Variants in SYNDIG1 observed in about 807,000 individuals in gnomAD.
SYNDIG1 encodes the protein synapse differentiation inducing 1.
A neutral mutation model predicts 19.4 loss-of-function variants in SYNDIG1; 9 were observed. The observed-to-expected ratio is 0.46, with a 90% CI of 0.28 to 0.81. The LOEUF is 0.81. Ranked by LOEUF, SYNDIG1 falls within the 30% of genes least tolerant of loss-of-function variation. The pLI is 0.12. For missense variants in SYNDIG1, 311 were observed against 343.3 expected (o/e 0.91, Z 0.74); for synonymous variants, 141 against 145.9 (o/e 0.97, Z 0.24).
intron 2 of SYNDIG1, among the ~76,000 whole-genome samples, chr20:24,543,995 C>T (rs374858087): frequency 4.6e-5 from 7 of 152,176 alleles, no homozygotes; most frequent in African/African-American, 1.7e-4. Context: ...CTACTGTCAC[C>T]TGTGGTTCCT....
rs572695167 is a variant in SYNDIG1, at chr20:24,644,041, G to C, written c.619-21305G>C. On this transcript the variant is annotated intron_variant, in intron 3 of 3. Transcript: ENST00000376862. ...GACTTTCTATGCCAAAGAAGAAAAA[G>C]AGAATCATCTAGACTAGCTACACGC... Among the ~76,000 whole-genome samples, 73 of 152,238 alleles carry C rather than the reference G, an allele frequency of 4.8e-4. 1 individual carries two copies. Among genetic ancestry groups the C allele is most frequent in the Non-Finnish European group, 5.0e-4 (34 of 68,046 alleles).
intron 3 of SYNDIG1, among the ~76,000 whole-genome samples, chr20:24,634,133 G>T (rs1021174968): frequency 2.6e-5 from 4 of 152,128 alleles, no homozygotes; most frequent in Admixed American, 6.5e-5. Context: ...CTCCTCCAGG[G>T]GGACCCCGTC....
At chr20:24,553,916 C>T (rs868256035) in intron 2 of SYNDIG1, among the ~76,000 whole-genome samples, 61 of 152,262 alleles carry the variant, frequency 4.0e-4, no homozygotes, top group South Asian at 2.1e-4. Flanking sequence ...GCCATTTTCA[C>T]GATATTGTTT....
chr20:24,583,864 A>G (rs962109458), intron 2 of SYNDIG1, among the ~76,000 whole-genome samples: 4 of 152,170 alleles, frequency 2.6e-5, no homozygotes, highest in African/African-American at 9.7e-5. Flanking sequence ...AAGAACAGAC[A>G]CTGGGGCCTG....
intron 1 of SYNDIG1, among the ~76,000 whole-genome samples, chr20:24,515,759 G>C (rs1178317119): frequency 2.6e-5 from 4 of 151,072 alleles, no homozygotes; most frequent in African/African-American, 9.8e-5. Context: ...AATGGCCATA[G>C]TGCCCAAGGT....
intron 1 of SYNDIG1, among the ~76,000 whole-genome samples, chr20:24,470,234 G>A (rs572591587): frequency 1.3e-5 from 2 of 152,340 alleles, no homozygotes; most frequent in Admixed American, 6.5e-5. Flanking sequence ...GCCAGGGCTG[G>A]TGAGCCGGGC....
chr20:24,579,282 T>C (rs1336476574), intron 2 of SYNDIG1, among the ~76,000 whole-genome samples: 1 of 152,196 alleles, frequency 6.6e-6, no homozygotes, highest in Admixed American at 6.5e-5. Flanking sequence ...GGCAAGATGG[T>C]GTCTGTTAAA....
intron 2 of SYNDIG1, among the ~76,000 whole-genome samples, chr20:24,583,799 C>A (rs2058368779): frequency 6.6e-6 from 1 of 152,182 alleles, no homozygotes; most frequent in African/African-American, 2.4e-5. Flanking sequence ...CCACATACCC[C>A]ATGTTCTCAC....
At chr20:24,649,967 C>T (rs1408367865) in intron 3 of SYNDIG1, among the ~76,000 whole-genome samples, 1 of 152,232 alleles carries the variant, frequency 6.6e-6, no homozygotes, top group Non-Finnish European at 1.5e-5. Flanking sequence ...ATGGCATACA[C>T]TCATCTTTAA....
intron 1 of SYNDIG1, among the ~76,000 whole-genome samples, chr20:24,514,993 A>G (rs1370059275): frequency 6.6e-6 from 1 of 152,356 alleles, no homozygotes; most frequent in East Asian, 1.9e-4. Flanking sequence ...GCTCAACTAC[A>G]TGGAAACTGA....
At chr20:24,541,783 A>C (rs2057474136) in intron 1 of SYNDIG1, among the ~76,000 whole-genome samples, 1 of 152,238 alleles carries the variant, frequency 6.6e-6, no homozygotes, top group African/African-American at 2.4e-5. Context: ...TAAATAAAAA[A>C]TCCCACAAAA....
chr20:24,578,665 A>G (rs1481041594), intron 2 of SYNDIG1, among the ~76,000 whole-genome samples: 1 of 152,182 alleles, frequency 6.6e-6, no homozygotes, highest in Non-Finnish European at 1.5e-5. Flanking sequence ...GCACATGTGC[A>G]TCCTGGCTTA....
At position 24,507,928 on chromosome 20, in the gene SYNDIG1, A is replaced by G. The variant is rs891878355; in HGVS notation, c.-78-35092A>G. On this transcript the variant is annotated intron_variant, in intron 1 of 3. Coordinates refer to ENST00000376862, the MANE Select transcript of SYNDIG1 (RefSeq NM_024893.3). ...TGTTCCACAACCCAGGAACCTGCGC[A>G]GGGAAGCTGCCTTCCTGCAGGGAAG... Among the ~76,000 whole-genome samples, 5 of 152,288 alleles carry G rather than the reference A, an allele frequency of 3.3e-5. No individual in the cohort carries two copies. The South Asian group carries it at 1.0e-3, about 32-fold the overall frequency.
At chr20:24,660,179 C>T (rs2059570219) in intron 3 of SYNDIG1, among the ~76,000 whole-genome samples, 1 of 152,212 alleles carries the variant, frequency 6.6e-6, no homozygotes, top group South Asian at 2.1e-4. Flanking sequence ...AGTCAGATTC[C>T]TTTGAACATT....
At position 24,493,361 on chromosome 20, in the gene SYNDIG1, C is replaced by T. The variant is rs144092200; in HGVS notation, c.-79+23608C>T. Reference sequence around the variant, plus strand: ...ACATCCATGCACAGGCATGGAAACACGCATGCACACACACATGTGGACACA... The same window carrying T: ...ACATCCATGCACAGGCATGGAAACATGCATGCACACACACATGTGGACACA... On this transcript the variant is annotated intron_variant, in intron 1 of 3. Transcript: ENST00000376862. Among the ~76,000 whole-genome samples the T allele has an allele frequency of 1.7e-4, 26 of 152,050 alleles. 1 individual carries two copies. Among genetic ancestry groups the T allele is most frequent in the African/African-American group, 4.8e-4 (20 of 41,452 alleles).
At chr20:24,581,955 AC>A (rs1442185378) in intron 2 of SYNDIG1, among the ~76,000 whole-genome samples, 4 of 150,482 alleles carry the variant, frequency 2.7e-5, no homozygotes, top group African/African-American at 9.8e-5. Context: ...TCCCTGCTGC[AC>A]GTCCTCCCCA....
chr20:24,524,645 CAA>C (rs112704748), intron 1 of SYNDIG1, among the ~76,000 whole-genome samples: 10 of 117,014 alleles, frequency 8.5e-5, no homozygotes, highest in Admixed American at 1.8e-4. Flanking sequence ...GACTCTGTCT[CAA>C]AAAAAAAAAA....
chr20:24,547,077 C>T (rs911414760), intron 2 of SYNDIG1, among the ~76,000 whole-genome samples: 2 of 151,666 alleles, frequency 1.3e-5, no homozygotes, highest in African/African-American at 4.8e-5. Flanking sequence ...AGGGCCCCTC[C>T]CATTGCCCTG....
At chr20:24,626,629 C>T (rs1380389307) in intron 3 of SYNDIG1, among the ~76,000 whole-genome samples, 3 of 149,586 alleles carry the variant, frequency 2.0e-5, no homozygotes, top group Admixed American at 6.6e-5. Flanking sequence ...ACATCCCAGA[C>T]GATGGGCGGC....
Sources: allele counts gnomAD v4.1 joint callset (sites outside exome capture counted in the v4.1 genomes callset), GRCh38; gene constraint gnomAD v4.1.1; transcripts MANE v1.5; gene names NCBI Gene and HGNC (gene_info 2026-07-23, HGNC 2026-07-21).